The following HPCAL1 variants were observed in gnomAD, a reference collection of about 807,000 sequenced individuals.
HPCAL1 encodes hippocalcin like 1.
HPCAL1 carries 8 observed loss-of-function variants against 17.1 expected under a neutral mutation model. The ratio of observed to expected loss-of-function variants is 0.47; its 90% CI spans 0.27 to 0.84. The LOEUF (loss-of-function observed/expected upper bound fraction) is 0.84. HPCAL1 is among the 40% of genes least tolerant of loss of function. The pLI is 0.13. For missense variants in HPCAL1, 165 were observed against 271.1 expected (o/e 0.61, Z 2.75); for synonymous variants, 112 against 111.4 (o/e 1.01, Z -0.03).
chr2:10,356,809 A>G (rs12621622), intron 1 of HPCAL1, among the ~76,000 whole-genome samples: 106,956 of 151,828 alleles, frequency 0.7, 38,126 homozygotes, highest in East Asian at 0.99. Context: ...AGGTGGACCC[A>G]TGCTTGTGCC....
chr2:10,352,603 C>T (rs567142516), intron 1 of HPCAL1, among the ~76,000 whole-genome samples: 23 of 152,352 alleles, frequency 1.5e-4, no homozygotes, highest in South Asian at 1.2e-3. Context: ...CCCCTGGGGA[C>T]GTCTGGGATC....
intron 1 of HPCAL1, among the ~76,000 whole-genome samples, chr2:10,387,605 C>T (rs192070806): frequency 1.2e-4 from 19 of 152,330 alleles, no homozygotes; most frequent in African/African-American, 4.3e-4. Flanking sequence ...GGTATCATTA[C>T]GAACACAACT....
chr2:10,340,185 T>C (rs1176830740), intron 1 of HPCAL1, among the ~76,000 whole-genome samples: 1 of 152,200 alleles, frequency 6.6e-6, no homozygotes, highest in Non-Finnish European at 1.5e-5. Context: ...GACCCAAGGG[T>C]GCACTTCAGC....
intron 1 of HPCAL1, among the ~76,000 whole-genome samples, chr2:10,356,336 G>A (rs1340635863): frequency 6.6e-6 from 1 of 152,194 alleles, no homozygotes; most frequent in African/African-American, 2.4e-5. Context: ...GGAGTTCATA[G>A]TGGAGACCCC....
intron 2 of HPCAL1, among the ~76,000 whole-genome samples, chr2:10,405,679 C>T (rs148790642): frequency 1.3e-5 from 2 of 152,326 alleles, no homozygotes; most frequent in East Asian, 1.9e-4. Context: ...AGAATGCGCT[C>T]CAAGATGCCT....
chr2:10,423,144 T>A, intron 4 of HPCAL1, 56 bp downstream of exon 4: 1 of 1,352,600 alleles, frequency 7.4e-7, no homozygotes, highest in Non-Finnish European at 1.1e-6. Context: ...GGCAAAACCA[T>A]GTGGTTTGGG....
At chr2:10,418,395 C>T (rs901635818) in intron 2 of HPCAL1, among the ~76,000 whole-genome samples, 4 of 148,078 alleles carry the variant, frequency 2.7e-5, no homozygotes, top group Admixed American at 6.9e-5. Context: ...GATCACACCA[C>T]TGCACACTCC....
chr2:10,381,618 C>G (rs1667945964), intron 1 of HPCAL1, among the ~76,000 whole-genome samples: 2 of 88,216 alleles, frequency 2.3e-5, no homozygotes, highest in Admixed American at 1.2e-4. Flanking sequence ...CATTTGGGAT[C>G]CCTGATGGCA....
rs570945765 is a variant in HPCAL1 at position 10,370,813 on chromosome 2, C to T, written c.-110-26022C>T. On this transcript the variant is annotated intron_variant, in intron 1 of 4. Transcript: ENST00000307845. The stretch of plus-strand genomic sequence containing the variant: ...AGGTAGCAACAGCGTTCTGGGAGGA[C>T]GTGGGCTCAAATTCCAACTTTTCTA... Among the ~76,000 whole-genome samples, 15 of 152,330 alleles carry T rather than the reference C, an allele frequency of 9.8e-5. No homozygotes were observed. In the East Asian group the frequency reaches 2.1e-3, roughly 22 times the overall value.
At position 10,395,832 on chromosome 2, in the gene HPCAL1, A is replaced by C. The variant is rs1356536458; in HGVS notation, c.-110-1003A>C. 6.6e-6 allele frequency among the ~76,000 whole-genome samples: 1 copy of C among 152,124 alleles called. No individual in the cohort carries two copies. On this transcript the variant is annotated intron_variant, in intron 1 of 4. Transcript: ENST00000307845. The surrounding 1 kb of genome is among the most constrained non-coding windows in gnomAD (Gnocchi z 4.4). Reference sequence around the variant, plus strand: ...GGGATGATGATTGTGCCTGCCTCCCAGGGCTGCTGTGTGGATTACGTTGGA... The same window carrying C: ...GGGATGATGATTGTGCCTGCCTCCCCGGGCTGCTGTGTGGATTACGTTGGA...
In HPCAL1 at chr2:10,419,607, G is replaced by T; in HGVS notation, c.-24-127G>T. ...ATAAGATAGCGGCATGCCTTCCGAT[G>T]GGGGACCCGGGAGTTGCTGAGTCGC... On this transcript the variant is annotated intron_variant, in intron 2 of 4. Coordinates refer to ENST00000307845, the MANE Select transcript of HPCAL1 (RefSeq NM_002149.4). The surrounding 1 kb of genome is among the most constrained non-coding windows in gnomAD (Gnocchi z 5.0). 1 of 836,594 alleles carries T rather than the reference G, an allele frequency of 1.2e-6. No homozygotes were observed. The highest frequency in any genetic ancestry group is 1.8e-6 in the Non-Finnish European group (1 of 554,958). 51.8% of individuals were successfully genotyped at this position (836,594 alleles called of 1,614,324 possible).
At chr2:10,397,168 GCTGGCCAGGTCTTT>G (rs1328612872) in intron 2 of HPCAL1, among the ~76,000 whole-genome samples, 1 of 150,702 alleles carries the variant, frequency 6.6e-6, no homozygotes, top group Non-Finnish European at 1.5e-5. Context: ...CTCGCCCTAA[GCTGGCCAGGTCTTT>G]CTGGGTAAAT....
intron 1 of HPCAL1, among the ~76,000 whole-genome samples, chr2:10,369,530 C>G (rs1667079615): frequency 6.6e-6 from 1 of 152,226 alleles, no homozygotes; most frequent in Non-Finnish European, 1.5e-5. Context: ...CTGGCTGCCT[C>G]ATAGCTCAGG....
At chr2:10,390,653 C>G (rs891801669) in intron 1 of HPCAL1, among the ~76,000 whole-genome samples, 2 of 152,124 alleles carry the variant, frequency 1.3e-5, no homozygotes, top group African/African-American at 4.8e-5. Flanking sequence ...CTGCAGGTCC[C>G]AGTGAGCATG....
chr2:10,328,838 G>A (rs899252181), intron 1 of HPCAL1, among the ~76,000 whole-genome samples: 6 of 151,812 alleles, frequency 4.0e-5, no homozygotes, highest in Admixed American at 2.0e-4. Flanking sequence ...CCTTTTGTTC[G>A]ACATGTGGGG....
chr2:10,352,695 G>C (rs973379528), intron 1 of HPCAL1, among the ~76,000 whole-genome samples: 10 of 152,196 alleles, frequency 6.6e-5, no homozygotes, highest in African/African-American at 2.2e-4. Flanking sequence ...ACAGTAGCCA[G>C]CTCAGGCCCC....
chr2:10,318,580 T>C (rs1663471260), intron 1 of HPCAL1, among the ~76,000 whole-genome samples: 1 of 152,160 alleles, frequency 6.6e-6, no homozygotes, highest in Non-Finnish European at 1.5e-5. Flanking sequence ...AGTGACAGAC[T>C]CCAGCCTCCA....
intron 1 of HPCAL1, among the ~76,000 whole-genome samples, chr2:10,328,745 T>C (rs572871775): frequency 2.8e-4 from 43 of 152,280 alleles, no homozygotes; most frequent in Middle Eastern, 3.4e-3. Context: ...AATACATTTC[T>C]GTCTGTTTAT....
At position 10,423,292 on chromosome 2, in the gene HPCAL1, T is replaced by G. The variant is rs1350717876; in HGVS notation, c.484+204T>G. ...CTGTATCCTGGCTCCTCTGTGCAGC[T>G]TTGTGATGCTGGGCATGTTGTGGCC... On this transcript the variant is annotated intron_variant, in intron 4 of 4. Transcript: ENST00000307845. 6 of 583,656 alleles carry G rather than the reference T, an allele frequency of 1.0e-5. No homozygotes were observed. The East Asian group carries it at 1.8e-4, about 17-fold the overall frequency. 36.2% of individuals were successfully genotyped at this position (583,656 alleles called of 1,614,324 possible). A position where few individuals can be genotyped will look rare whatever the true frequency, so the allele number is the denominator to read the frequency against.
Sources: allele counts gnomAD v4.1 joint callset (sites outside exome capture counted in the v4.1 genomes callset), GRCh38; gene constraint gnomAD v4.1.1; non-coding constraint Gnocchi (gnomAD v3.1); transcripts MANE v1.5; gene names NCBI Gene and HGNC (gene_info 2026-07-23, HGNC 2026-07-21).